Variants in RAI14 observed in about 807,000 individuals in gnomAD.
RAI14 encodes the protein retinoic acid induced 14, also known as ankycorbin.
Under a neutral mutation model 115.4 loss-of-function variants are expected in RAI14, and 45 were observed. The observed-to-expected ratio is 0.39, with a 90% CI of 0.31 to 0.50. RAI14 has a LOEUF of 0.50. RAI14 is among the 20% of genes least tolerant of loss of function. RAI14 has a pLI of 0.85. For synonymous variants in RAI14, 371 were observed against 415.4 expected (o/e 0.89, Z 1.30); for missense variants, 939 against 1,131.2 (o/e 0.83, Z 2.44).
intron 12 of RAI14, among the ~76,000 whole-genome samples, chr5:34,817,043 C>T (rs1440070825): frequency 6.6e-6 from 1 of 151,832 alleles, no homozygotes; most frequent in Non-Finnish European, 1.5e-5. Flanking sequence ...TTCGGGAGGC[C>T]AAAGCGGGTG....
In RAI14 at chr5:34,747,199, G is replaced by A. The variant is rs559894140; in HGVS notation, c.37-10269G>A. 3.9e-4 allele frequency among the ~76,000 whole-genome samples: 60 copies of A among 152,292 alleles called. 1 individual carries two copies. The South Asian group carries it at 7.9e-3, about 20-fold the overall frequency. On this transcript the variant is annotated intron_variant, in intron 2 of 17. Transcript: ENST00000265109. ...GGAGAGAACCAACTATATTGTAAAT[G>A]GAGTGACTGCATATGTTTTTTAACT...
At chr5:34,716,560 G>A (rs369077910) in intron 2 of RAI14, among the ~76,000 whole-genome samples, 148 of 152,088 alleles carry the variant, frequency 9.7e-4, no homozygotes, top group Middle Eastern at 3.4e-3. Context: ...CTACAGGTGC[G>A]TGCCACCATG....
chr5:34,714,158 T>G (rs909627614), intron 2 of RAI14, among the ~76,000 whole-genome samples: 2 of 152,230 alleles, frequency 1.3e-5, no homozygotes, highest in African/African-American at 4.8e-5. Context: ...ACATGAAGAA[T>G]GAGTTTACAT....
chr5:34,815,118 C>G (rs1756054039), intron 12 of RAI14, among the ~76,000 whole-genome samples: 1 of 152,138 alleles, frequency 6.6e-6, no homozygotes, highest in Admixed American at 6.5e-5. Context: ...GTTGGTGGCT[C>G]ACGCCTGTAA....
chr5:34,703,542 G>T (rs1740336042), intron 2 of RAI14, among the ~76,000 whole-genome samples: 2 of 152,152 alleles, frequency 1.3e-5, no homozygotes, highest in Admixed American at 6.5e-5. Context: ...AAACAACTTG[G>T]AAGATATAAA....
At chr5:34,687,854 G>A in intron 2 of RAI14, 2 of 1,196,976 alleles carry the variant, frequency 1.7e-6, no homozygotes, top group East Asian at 5.1e-5. Context: ...TGCAATAAAT[G>A]GAGGCTGTGT....
chr5:34,724,296 G>A (rs1017425227), intron 2 of RAI14, among the ~76,000 whole-genome samples: 2 of 152,082 alleles, frequency 1.3e-5, no homozygotes, highest in African/African-American at 2.4e-5. Flanking sequence ...GATTACAGGT[G>A]TGAGCCACCA....
intron 1 of RAI14, chr5:34,685,121 C>G (rs1454220953): frequency 6.6e-6 from 1 of 151,876 alleles, no homozygotes; most frequent in Admixed American, 6.6e-5. Flanking sequence ...GTGGCTCATG[C>G]CTGTAATCCC....
intron 3 of RAI14, among the ~76,000 whole-genome samples, chr5:34,784,616 G>C (rs1328659451): frequency 6.6e-6 from 1 of 152,184 alleles, no homozygotes; most frequent in East Asian, 1.9e-4. Flanking sequence ...CCATGAATTA[G>C]TATGTGGAAG....
intron 3 of RAI14, among the ~76,000 whole-genome samples, chr5:34,780,803 A>T (rs982013772): frequency 4.6e-5 from 7 of 152,188 alleles, no homozygotes; most frequent in Non-Finnish European, 8.8e-5. Flanking sequence ...ATTGTGGAAG[A>T]CAGTGTGGTG....
intron 2 of RAI14, among the ~76,000 whole-genome samples, chr5:34,750,754 G>A (rs1022700651): frequency 5.9e-5 from 9 of 151,874 alleles, no homozygotes; most frequent in Non-Finnish European, 1.3e-4. Context: ...GTCCCAGAAT[G>A]GCCCCGGGTG....
intron 3 of RAI14, 42 bp downstream of exon 3, chr5:34,757,640 T>G (rs1265467763): frequency 1.3e-6 from 2 of 1,561,174 alleles, no homozygotes; most frequent in Non-Finnish European, 1.7e-6. Context: ...GGTTCTGGGT[T>G]TTTGGGGTGT....
At chr5:34,697,208 G>T (rs1189009211) in intron 2 of RAI14, among the ~76,000 whole-genome samples, 1 of 151,612 alleles carries the variant, frequency 6.6e-6, no homozygotes, top group Non-Finnish European at 1.5e-5. Flanking sequence ...AGGCCGAGGT[G>T]GGTGGATCAC....
intron 2 of RAI14, among the ~76,000 whole-genome samples, chr5:34,725,571 C>T (rs1462057411): frequency 6.6e-6 from 1 of 151,712 alleles, no homozygotes; most frequent in Admixed American, 6.6e-5. Context: ...ATTGTAAGCG[C>T]ATCAACTCAA....
chr5:34,822,920 C>T, intron 14 of RAI14, 36 bp from the exon 15 acceptor site: 3 of 1,534,862 alleles, frequency 2.0e-6, no homozygotes, highest in East Asian at 4.5e-5. Context: ...ATCTCCTGAC[C>T]TTTGATATCA....
chr5:34,787,677 T>G (rs1468024670), intron 3 of RAI14, among the ~76,000 whole-genome samples: 1 of 152,132 alleles, frequency 6.6e-6, no homozygotes, highest in Non-Finnish European at 1.5e-5. Context: ...GTAATGATGT[T>G]GTTGCCAGCT....
intron 3 of RAI14, among the ~76,000 whole-genome samples, chr5:34,759,960 G>A (rs1176736449): frequency 6.6e-6 from 1 of 152,146 alleles, no homozygotes; most frequent in African/African-American, 2.4e-5. Flanking sequence ...TAGATTAGTG[G>A]TTTGCAATCT....
At chr5:34,703,549 T>C (rs1282481471) in intron 2 of RAI14, among the ~76,000 whole-genome samples, 1 of 152,204 alleles carries the variant, frequency 6.6e-6, no homozygotes, top group South Asian at 2.1e-4. Context: ...TTGGAAGATA[T>C]AAACAAGGGT....
At chr5:34,752,949 A>G (rs1175218942) in intron 2 of RAI14, among the ~76,000 whole-genome samples, 2 of 151,848 alleles carry the variant, frequency 1.3e-5, no homozygotes, top group African/African-American at 2.4e-5. Context: ...TGTATTTTAT[A>G]TCAGTCAGGA....
Sources: gnomAD v4.1 joint callset for allele counts (sites outside exome capture counted in the v4.1 genomes callset) on GRCh38, gnomAD v4.1.1 for gene constraint, MANE v1.5 for transcripts, NCBI Gene and HGNC (gene_info 2026-07-23, HGNC 2026-07-21) for gene names.